The following FOXO1 variants were observed in gnomAD, a reference collection of about 807,000 sequenced individuals.
FOXO1 encodes the protein forkhead box O1.
Under a neutral mutation model 44.1 loss-of-function variants are expected in FOXO1, and 6 were observed. That is an observed-to-expected ratio of 0.14 (90% confidence interval 0.07 to 0.27). FOXO1 has a LOEUF of 0.27. FOXO1 is among the 10% of genes least tolerant of loss of function. The pLI, the probability that FOXO1 is intolerant of heterozygous loss-of-function variation, is 1.00. For synonymous variants in FOXO1, 380 were observed against 362.7 expected (o/e 1.05, Z -0.54); for missense variants, 737 against 888.8 (o/e 0.83, Z 2.17).
At chr13:40,622,526 T>C (rs1338209125) in intron 1 of FOXO1, among the ~76,000 whole-genome samples, 1 of 152,190 alleles carries the variant, frequency 6.6e-6, no homozygotes, top group Non-Finnish European at 1.5e-5. Flanking sequence ...TTTGAAATGA[T>C]AGCTCACTGA....
intron 1 of FOXO1, among the ~76,000 whole-genome samples, chr13:40,581,776 T>C (rs1384756759): frequency 6.6e-6 from 1 of 152,204 alleles, no homozygotes; most frequent in Admixed American, 6.5e-5. Flanking sequence ...CTCAAAAATA[T>C]CATGCTGACT....
At chr13:40,645,093 C>A (rs73469014) in intron 1 of FOXO1, among the ~76,000 whole-genome samples, 125 of 152,322 alleles carry the variant, frequency 8.2e-4, no homozygotes, top group African/African-American at 3.0e-3. Context: ...CTTCTTACCT[C>A]ACACCTTGGT....
chr13:40,560,555 T>G lies in FOXO1; in HGVS notation c.936A>C (p.Thr312=). The change falls in exon 2 of 3, where the codon ACA becomes ACC. Residue 312 remains threonine (T), a synonymous_variant. Coordinates refer to ENST00000379561, the MANE Select transcript of FOXO1 (RefSeq NM_002015.4). The surrounding 1 kb of genome is among the most constrained non-coding windows in gnomAD (Gnocchi z 5.1). ...HSNDDFDNWS[T]FRPRTSSNAS... is the part of the protein sequence containing the mutation. ...CATTTGAGCTAGTTCGAGGGCGAAATGTACTCCAGTTATCAAAGTCATCAT... is the reference window on the plus strand; with the variant it reads ...CATTTGAGCTAGTTCGAGGGCGAAAGGTACTCCAGTTATCAAAGTCATCAT... 6.2e-7 allele frequency: 1 copy of G among 1,614,132 alleles called. No homozygotes were observed. The highest frequency in any genetic ancestry group is 8.5e-7 in the Non-Finnish European group (1 of 1,180,024).
chr13:40,666,544 G>C lies in FOXO1; in HGVS notation c.-332C>G. On this transcript the variant is annotated 5_prime_UTR_variant, in exon 1 of 3. Coordinates refer to ENST00000379561, the MANE Select transcript of FOXO1 (RefSeq NM_002015.4). The stretch of plus-strand genomic sequence containing the variant: ...GACGGACGGACGCCGCGGGCCGCTT[G>C]CTCTCCCCAGCGGCGCGCCCGCTGC... 7.8e-6 allele frequency: 2 copies of C among 254,970 alleles called. No homozygotes were observed. Among genetic ancestry groups the C allele is most frequent in the Non-Finnish European group, 7.5e-6 (1 of 133,418 alleles). The allele number at this position is 254,970 out of a possible 1,614,324, so 15.8% of individuals were successfully genotyped here. A position where few individuals can be genotyped will look rare whatever the true frequency, so the allele number is the denominator to read the frequency against.
At chr13:40,593,569 A>C (rs1211677186) in intron 1 of FOXO1, among the ~76,000 whole-genome samples, 1 of 152,212 alleles carries the variant, frequency 6.6e-6, no homozygotes, top group Non-Finnish European at 1.5e-5. Flanking sequence ...AACTATGGTA[A>C]AATGTAAGTA....
chr13:40,593,743 C>T (rs990622944), intron 1 of FOXO1, among the ~76,000 whole-genome samples: 22 of 152,232 alleles, frequency 1.4e-4, no homozygotes, highest in Admixed American at 4.6e-4. Flanking sequence ...AGTAAATCTA[C>T]CCCAATATAA....
chr13:40,620,321 C>T (rs1425491272), intron 1 of FOXO1: 1 of 874,926 alleles, frequency 1.1e-6, no homozygotes, highest in Admixed American at 1.8e-5. Context: ...AACATACAGT[C>T]ACTATTCAAA....
At chr13:40,647,342 A>G (rs1378595767) in intron 1 of FOXO1, among the ~76,000 whole-genome samples, 1 of 152,206 alleles carries the variant, frequency 6.6e-6, no homozygotes. Flanking sequence ...TTGTGCAAAC[A>G]TAAGTATAAA....
intron 1 of FOXO1, among the ~76,000 whole-genome samples, chr13:40,644,732 C>T (rs1488061610): frequency 6.6e-6 from 1 of 152,164 alleles, no homozygotes; most frequent in African/African-American, 2.4e-5. Flanking sequence ...CAGAGAATGG[C>T]AGTATTCTCT....
rs1878238580 is a variant in FOXO1 at position 40,666,115 on chromosome 13, C to G, written c.98G>C (p.Ser33Thr). ...CTWPLPRPEF[S>T]QSNSATSSPA... ...GCTGGAGGTGGCCGAGTTGGACTGG[C>G]TAAACTCCGGCCTGGGCAGCGGCCA... The change falls in exon 1 of 3, where the codon AGC becomes ACC. Residue 33 changes from serine (S) to threonine (T), a missense_variant. Ser to Thr is a moderately conservative substitution (Grantham distance 58). Transcript: ENST00000379561. 1 of 1,439,772 alleles carries G rather than the reference C, an allele frequency of 6.9e-7. No homozygotes were observed. Among genetic ancestry groups the G allele is most frequent in the Non-Finnish European group, 9.1e-7 (1 of 1,099,400 alleles). The allele number at this position is 1,439,772 out of a possible 1,614,324, so 89.2% of individuals were successfully genotyped here.
intron 1 of FOXO1, among the ~76,000 whole-genome samples, chr13:40,592,423 C>T (rs1875410088): frequency 6.6e-6 from 1 of 152,150 alleles, no homozygotes; most frequent in Non-Finnish European, 1.5e-5. Flanking sequence ...AGCAAAAGAC[C>T]CATCTATATC....
chr13:40,623,288 C>T (rs992612671), intron 1 of FOXO1, among the ~76,000 whole-genome samples: 6 of 152,016 alleles, frequency 3.9e-5, no homozygotes, highest in African/African-American at 1.4e-4. Flanking sequence ...AAAAGTGACA[C>T]GGGGGTCCGT....
At chr13:40,644,573 C>T (rs1031428640) in intron 1 of FOXO1, among the ~76,000 whole-genome samples, 18 of 152,158 alleles carry the variant, frequency 1.2e-4, no homozygotes, top group Non-Finnish European at 1.5e-5. Context: ...GTCACACATA[C>T]AATGATGGCT....
chr13:40,628,643 A>G (rs1224993345), intron 1 of FOXO1, among the ~76,000 whole-genome samples: 1 of 152,216 alleles, frequency 6.6e-6, no homozygotes, highest in African/African-American at 2.4e-5. Context: ...ACACTCTCAA[A>G]GCCAAGTTTC....
At chr13:40,639,186 G>A (rs1189829825) in intron 1 of FOXO1, among the ~76,000 whole-genome samples, 2 of 151,936 alleles carry the variant, frequency 1.3e-5, no homozygotes, top group African/African-American at 2.4e-5. Context: ...GCAACAAGAG[G>A]GAAACTCTGT....
chr13:40,662,626 T>C (rs1878075019), intron 1 of FOXO1, among the ~76,000 whole-genome samples: 10 of 152,220 alleles, frequency 6.6e-5, no homozygotes, highest in Admixed American at 6.5e-4. Context: ...AGAATGACAT[T>C]AAAAGTTTTT....
chr13:40,605,605 T>C (rs931984527), intron 1 of FOXO1, among the ~76,000 whole-genome samples: 4 of 152,136 alleles, frequency 2.6e-5, no homozygotes, highest in African/African-American at 9.7e-5. Context: ...GGCCCAAAAA[T>C]ACAGCCTCAG....
At chr13:40,647,978 C>T (rs1877563428) in intron 1 of FOXO1, among the ~76,000 whole-genome samples, 1 of 152,184 alleles carries the variant, frequency 6.6e-6, no homozygotes, top group African/African-American at 2.4e-5. Flanking sequence ...GTCTTTTCCC[C>T]TTTATCTGTA....
At chr13:40,591,315 T>C (rs1047088703) in intron 1 of FOXO1, among the ~76,000 whole-genome samples, 10 of 152,230 alleles carry the variant, frequency 6.6e-5, no homozygotes, top group African/African-American at 2.4e-4. Context: ...TCCCACGTTC[T>C]GGACACGGCA....
Sources: gnomAD v4.1 joint callset for allele counts (sites outside exome capture counted in the v4.1 genomes callset) on GRCh38, gnomAD v4.1.1 for gene constraint, Gnocchi (gnomAD v3.1) non-coding constraint, MANE v1.5 for transcripts, NCBI Gene and HGNC (gene_info 2026-07-23, HGNC 2026-07-21) for gene names.